Variants in PHC2 observed in about 807,000 individuals in gnomAD.
PHC2 encodes polyhomeotic-like protein 2.
PHC2 carries 29 observed loss-of-function variants against 87.4 expected under a neutral mutation model. That is an observed-to-expected ratio of 0.33 (90% confidence interval 0.25 to 0.45). The LOEUF is 0.45. Among genes scored for constraint, PHC2 ranks in the 20% least tolerant of loss-of-function variants. The pLI is 1.00. For missense variants in PHC2, 857 were observed against 1,136.7 expected, an observed-to-expected ratio of 0.75 and a Z score of 3.54; for synonymous variants, 438 against 461.7, an observed-to-expected ratio of 0.95 and a Z score of 0.66.
Position 33,372,382 on chromosome 1 carries a change from G to A in PHC2, c.240C>T (p.Ala80=), listed in dbSNP as rs1214210644. ...TAAQYLQQMY[A]AQQQHLMLQT... ...GCAGCATGAGGTGCTGCTGCTGGGC[G>A]GCGTACATCTGCTGCAGGTACTGAG... The change falls in exon 3 of 15, where the codon GCC becomes GCT. Residue 80 remains alanine, a synonymous_variant. Transcript: ENST00000683057. 1.3e-5 allele frequency: 21 copies of A among 1,606,604 alleles called. No individual in the cohort carries two copies. The highest frequency in any genetic ancestry group is 1.3e-5 in the African/African-American group (1 of 74,690).
chr1:33,412,433 A>G (rs1257155575), intron 1 of PHC2, among the ~76,000 whole-genome samples: 1 of 151,656 alleles, frequency 6.6e-6, no homozygotes, highest in Admixed American at 6.5e-5. Context: ...AACACTAAAC[A>G]TCACTTTTCC....
intron 1 of PHC2, among the ~76,000 whole-genome samples, chr1:33,416,635 G>A (rs1227061760): frequency 6.7e-6 from 1 of 148,372 alleles, no homozygotes; most frequent in African/African-American, 2.5e-5. Flanking sequence ...CATAAACTAT[G>A]CAAGCCAGTA....
At chr1:33,412,673 A>G (rs978587112) in intron 1 of PHC2, among the ~76,000 whole-genome samples, 23 of 152,334 alleles carry the variant, frequency 1.5e-4, no homozygotes, top group South Asian at 1.0e-3. Flanking sequence ...CCCCTACCCT[A>G]ATAAGTGGCA....
At chr1:33,406,199 T>A (rs1172075459) in intron 1 of PHC2, among the ~76,000 whole-genome samples, 1 of 152,222 alleles carries the variant, frequency 6.6e-6, no homozygotes, top group Non-Finnish European at 1.5e-5. Flanking sequence ...TTTAATATTC[T>A]TAGATTTTCC....
chr1:33,418,430 C>T (rs991710384), intron 1 of PHC2, among the ~76,000 whole-genome samples: 21 of 151,978 alleles, frequency 1.4e-4, no homozygotes, highest in Admixed American at 6.6e-5. Flanking sequence ...ATCTTATAGA[C>T]ATGAAAAGGA....
At chr1:33,343,736 C>G (rs1646792238) in intron 9 of PHC2, among the ~76,000 whole-genome samples, 2 of 152,206 alleles carry the variant, frequency 1.3e-5, no homozygotes, top group Admixed American at 1.3e-4. Context: ...TGGCCTCTTA[C>G]AGCCCCAGAG....
chr1:33,410,452 TAA>T (rs1264134956), intron 1 of PHC2, among the ~76,000 whole-genome samples: 1 of 152,172 alleles, frequency 6.6e-6, no homozygotes, highest in Non-Finnish European at 1.5e-5. Flanking sequence ...GCCAATCCTG[TAA>T]AAGAGTTGAT....
intron 1 of PHC2, among the ~76,000 whole-genome samples, chr1:33,399,680 C>T (rs1649440463): frequency 6.6e-6 from 1 of 152,092 alleles, no homozygotes; most frequent in Admixed American, 6.6e-5. Context: ...TAAGGCCCCT[C>T]CACCAGTCAC....
chr1:33,396,955 C>T (rs1052163136), intron 1 of PHC2, among the ~76,000 whole-genome samples: 3 of 152,146 alleles, frequency 2.0e-5, no homozygotes, highest in Admixed American at 1.3e-4. Context: ...GAATGCCACT[C>T]GCTCTTTGGT....
intron 1 of PHC2, among the ~76,000 whole-genome samples, chr1:33,395,674 C>G (rs768080251): frequency 6.6e-6 from 1 of 152,146 alleles, no homozygotes; most frequent in Non-Finnish European, 1.5e-5. Context: ...GTGACATTCA[C>G]TGTATACTTA....
intron 9 of PHC2, among the ~76,000 whole-genome samples, chr1:33,341,762 C>T (rs1174252232): frequency 1.3e-5 from 2 of 152,206 alleles, no homozygotes; most frequent in Non-Finnish European, 2.9e-5. Flanking sequence ...ATAAAACAAA[C>T]GAATGCCATT....
At chr1:33,417,210 A>G (rs1039663126) in intron 1 of PHC2, among the ~76,000 whole-genome samples, 3 of 152,114 alleles carry the variant, frequency 2.0e-5, no homozygotes, top group African/African-American at 7.2e-5. Context: ...ATGAGGCCAA[A>G]AAAAAGAGAA....
intron 1 of PHC2, among the ~76,000 whole-genome samples, chr1:33,412,206 G>C (rs915714962): frequency 2.0e-5 from 3 of 152,174 alleles, no homozygotes; most frequent in Non-Finnish European, 4.4e-5. Flanking sequence ...CAAAAAATCT[G>C]CTAGAACTAA....
At chr1:33,419,855 C>T (rs915989992) in intron 1 of PHC2, among the ~76,000 whole-genome samples, 2 of 152,042 alleles carry the variant, frequency 1.3e-5, no homozygotes, top group South Asian at 2.1e-4. Flanking sequence ...GTGATCCACC[C>T]GCCTCGGCCT....
At chr1:33,330,292 G>A (rs1570441744) in intron 12 of PHC2, 80 bp from the exon 13 acceptor site, 1 of 1,510,456 alleles carries the variant, frequency 6.6e-7, no homozygotes, top group Non-Finnish European at 9.1e-7. Flanking sequence ...CAGCCAAGCT[G>A]TCTGACAAAT....
chr1:33,367,165 C>T lies in PHC2; in HGVS notation c.927G>A (p.Gly309=), dbSNP rs750384582. The T allele has an allele frequency of 8.2e-5, 133 of 1,613,810 alleles. No individual in the cohort carries two copies. The highest frequency in any genetic ancestry group is 1.1e-4 in the Non-Finnish European group (129 of 1,179,910). ...CCACAGCAGGAACCGTCCGGCTGAG[C>T]CCAGCCCGGCCTTCCATGCTCCCTG... ...SVPGSMEGRA[G]LSRTVPAVAA... The change falls in exon 7 of 15, where the codon GGG becomes GGA. Residue 309 remains glycine (G), a synonymous_variant. Coordinates refer to ENST00000683057, the MANE Select transcript of PHC2 (RefSeq NM_001385109.1).
intron 1 of PHC2, among the ~76,000 whole-genome samples, chr1:33,392,266 G>A (rs538720843): frequency 6.6e-6 from 1 of 152,108 alleles, no homozygotes; most frequent in South Asian, 2.1e-4. Context: ...AGGTCCTAAC[G>A]CGAGGTCCAC....
chr1:33,332,615 G>T lies in PHC2; in HGVS notation c.1762-211C>A. The T allele has an allele frequency of 1.8e-6, 1 of 567,962 alleles. No homozygotes were observed. The highest frequency in any genetic ancestry group is 1.9e-5 in the South Asian group (1 of 51,464). 35.2% of individuals were successfully genotyped at this position (567,962 alleles called of 1,614,324 possible). On this transcript the variant is annotated intron_variant, in intron 10 of 14. Transcript: ENST00000683057. The surrounding 1 kb of genome is among the most constrained non-coding windows in gnomAD (Gnocchi z 4.2). ...TAAGATGCTAATGGGCAAAGTACAG[G>T]GATGGCTTCTGTCCAGGACCAACGG... is the stretch of plus-strand genomic sequence containing the variant.
At chr1:33,371,149 T>C (rs1647807153) in intron 3 of PHC2, 55 bp from the exon 4 acceptor site, 1 of 1,426,904 alleles carries the variant, frequency 7.0e-7, no homozygotes, top group Non-Finnish European at 9.9e-7. Flanking sequence ...CAGTCACTCC[T>C]GGGCTCTCAT....
Sources: gnomAD v4.1 joint callset for allele counts (sites outside exome capture counted in the v4.1 genomes callset) on GRCh38, gnomAD v4.1.1 for gene constraint, Gnocchi (gnomAD v3.1) non-coding constraint, MANE v1.5 for transcripts, NCBI Gene and HGNC (gene_info 2026-07-23, HGNC 2026-07-21) for gene names.